Variants in ZNF565 observed in about 807,000 individuals in gnomAD.
The protein encoded by ZNF565 is zinc finger protein 565.
ZNF565 carries 27 observed loss-of-function variants against 39.4 expected under a neutral mutation model. The ratio of observed to expected loss-of-function variants is 0.69; its 90% CI spans 0.51 to 0.95. The LOEUF is 0.95. ZNF565 is among the 40% of genes least tolerant of loss of function. ZNF565 has a pLI of 0.00. For synonymous variants in ZNF565, 185 were observed against 216.6 expected (o/e 0.85, Z 1.28); for missense variants, 524 against 621.1 (o/e 0.84, Z 1.66).
At chr19:36,199,230 C>G (rs1975869684) in intron 2 of ZNF565, among the ~76,000 whole-genome samples, 2 of 152,152 alleles carry the variant, frequency 1.3e-5, no homozygotes, top group African/African-American at 2.4e-5. Flanking sequence ...TGGCCCACAA[C>G]CAACACATAT....
chr19:36,185,733 T>C (rs1431466608), intron 4 of ZNF565, among the ~76,000 whole-genome samples: 1 of 150,944 alleles, frequency 6.6e-6, no homozygotes, highest in Non-Finnish European at 1.5e-5. Context: ...TTTTTTTTTT[T>C]TGAGACAGAG....
intron 1 of ZNF565, chr19:36,237,857 C>T (rs1019677305): frequency 6.0e-6 from 1 of 166,690 alleles, no homozygotes; most frequent in Admixed American, 6.6e-5. Flanking sequence ...GTTTGTTCTC[C>T]AAGGGGGAAA....
chr19:36,227,577 A>G, intron 1 of ZNF565, among the ~76,000 whole-genome samples: 1 of 151,808 alleles, frequency 6.6e-6, no homozygotes, highest in East Asian at 1.9e-4. Context: ...TAATGGATGA[A>G]CCTGTATTCC....
At chr19:36,219,063 C>T (rs1258550516), upstream of ZNF565, among the ~76,000 whole-genome samples, 2 of 152,050 alleles carry the variant, frequency 1.3e-5, no homozygotes, top group Non-Finnish European at 2.9e-5. Context: ...CCACCTCGGC[C>T]TCCCAAAGTG....
upstream of ZNF565, among the ~76,000 whole-genome samples, chr19:36,217,885 CAAA>C (rs10590776): frequency 0.048 from 6,444 of 133,232 alleles, 391 homozygotes; most frequent in African/African-American, 0.15. Context: ...AACTCCATCT[CAAA>C]AAAAAAAAAA....
intron 1 of ZNF565, among the ~76,000 whole-genome samples, chr19:36,229,045 G>A (rs182271257): frequency 1.3e-5 from 2 of 152,308 alleles, no homozygotes; most frequent in Non-Finnish European, 2.9e-5. Context: ...CTGTTCTGAT[G>A]TCAGCCTTCC....
At chr19:36,202,293 AAAGG>A in intron 1 of ZNF565, among the ~76,000 whole-genome samples, 1 of 152,150 alleles carries the variant, frequency 6.6e-6, no homozygotes, top group Admixed American at 6.6e-5. Context: ...CTTAAACCTG[AAAGG>A]TAGAGGTTGC....
At chr19:36,184,797 A>C (rs1975229258) in intron 4 of ZNF565, among the ~76,000 whole-genome samples, 2 of 152,060 alleles carry the variant, frequency 1.3e-5, no homozygotes, top group South Asian at 4.2e-4. Flanking sequence ...TAAACATTTC[A>C]CTGCCTTCCC....
intron 1 of ZNF565, among the ~76,000 whole-genome samples, chr19:36,239,769 G>C (rs1424343005): frequency 1.3e-5 from 2 of 152,182 alleles, no homozygotes; most frequent in Admixed American, 6.5e-5. Flanking sequence ...GGACGGGTAT[G>C]AGAAAAATGG....
chr19:36,216,211 T>C (rs1976598557), upstream of ZNF565, among the ~76,000 whole-genome samples: 1 of 152,166 alleles, frequency 6.6e-6, no homozygotes, highest in East Asian at 1.9e-4. Context: ...GATAAAGTAT[T>C]GTGGAAGAAA....
At chr19:36,228,429 G>A (rs1977179177) in intron 1 of ZNF565, 1 of 152,214 alleles carries the variant, frequency 6.6e-6, no homozygotes, top group South Asian at 2.1e-4. Context: ...CTCACACAAG[G>A]TGTGAACAGC....
At chr19:36,244,624 C>G (rs980872975) in intron 1 of ZNF565, among the ~76,000 whole-genome samples, 1 of 151,954 alleles carries the variant, frequency 6.6e-6, no homozygotes, top group Non-Finnish European at 1.5e-5. Flanking sequence ...AGGCCGAGGC[C>G]GGTGGATCAC....
At chr19:36,237,121 C>T (rs377342595) in intron 1 of ZNF565, 2 of 1,614,142 alleles carry the variant, frequency 1.2e-6, no homozygotes, top group Non-Finnish European at 1.7e-6. Context: ...GCTCATCTCT[C>T]ACTGTGCATG....
chr19:36,239,604 G>A (rs755242168), intron 1 of ZNF565, among the ~76,000 whole-genome samples: 1 of 152,084 alleles, frequency 6.6e-6, no homozygotes, highest in Non-Finnish European at 1.5e-5. Context: ...TACATTACAG[G>A]TATGAGTCAC....
intron 1 of ZNF565, among the ~76,000 whole-genome samples, chr19:36,232,601 T>C (rs933198902): frequency 7.8e-5 from 11 of 141,710 alleles, no homozygotes; most frequent in South Asian, 2.4e-4. Context: ...AGTTCTTTTT[T>C]CTTTTTTCTT....
upstream of ZNF565, among the ~76,000 whole-genome samples, chr19:36,218,825 G>T (rs146457452): frequency 9.8e-3 from 1,405 of 142,928 alleles, 20 homozygotes; most frequent in African/African-American, 0.033. Context: ...TTGGTGGAGG[G>T]GGGGACAGAG....
intron 2 of ZNF565, among the ~76,000 whole-genome samples, chr19:36,195,899 G>C (rs1443532524): frequency 6.7e-6 from 1 of 149,392 alleles, no homozygotes; most frequent in Non-Finnish European, 1.5e-5. Context: ...GTTTTGACAA[G>C]CTAATTTATC....
chr19:36,207,542 C>CA (rs58690929), intron 1 of ZNF565, among the ~76,000 whole-genome samples: 46,558 of 145,270 alleles, frequency 0.32, 7,194 homozygotes, highest in Admixed American at 0.38. Flanking sequence ...CCATCTCAAA[C>CA]AAAAAAAAAA....
At position 36,182,834 on chromosome 19, in the gene ZNF565, G is replaced by C; in HGVS notation, c.1132C>G (p.Leu378Val). 1 of 1,614,154 alleles carries C rather than the reference G, an allele frequency of 6.2e-7. No individual in the cohort carries two copies. Among genetic ancestry groups the C allele is most frequent in the Non-Finnish European group, 8.5e-7 (1 of 1,180,034 alleles). The change falls in exon 5 of 5, where the codon CTC becomes GTC. Residue 378 changes from leucine to valine, a missense_variant. Leu to Val is a conservative substitution (Grantham distance 32). Coordinates refer to ENST00000304116, the MANE Select transcript of ZNF565 (RefSeq NM_152477.5). ...GTATGGACTCTCTGATGTCGTGTGA[G>C]CTGTGCGTGCTGTCTGAAGGCCTTC... ...CGKAFRQHAQ[L>V]TRHQRVHTGD...
Sources: gnomAD v4.1 joint callset for allele counts (sites outside exome capture counted in the v4.1 genomes callset) on GRCh38, gnomAD v4.1.1 for gene constraint, MANE v1.5 for transcripts, NCBI Gene and HGNC (gene_info 2026-07-23, HGNC 2026-07-21) for gene names.